MEPE: variants seen among roughly 807,000 people sequenced by gnomAD.
The protein encoded by MEPE is matrix extracellular phosphoglycoprotein.
Under a neutral mutation model 7.3 loss-of-function variants are expected in MEPE, and 7 were observed. That is an observed-to-expected ratio of 0.95 (90% CI 0.54 to 1.79). The LOEUF (loss-of-function observed/expected upper bound fraction) is 1.79. Ranked by LOEUF, MEPE falls within the 40% of genes most tolerant of loss-of-function variation. MEPE has a pLI of 0.00. For synonymous variants in MEPE, 214 were observed against 213.1 expected (o/e 1.00, Z -0.04); for missense variants, 623 against 628.2 (o/e 0.99, Z 0.09).
In MEPE at chr4:87,844,245, G is replaced by T. The variant is rs572888428; in HGVS notation, c.109-732G>T. On this transcript the variant is annotated intron_variant, in intron 3 of 3. Transcript: ENST00000361056. The stretch of plus-strand genomic sequence containing the variant: ...GTGGCATACGGTATAGTCAATCTCA[G>T]CTCTTTCTTCCTGACCACATTGTTC... 2.0e-4 allele frequency among the ~76,000 whole-genome samples: 31 copies of T among 152,212 alleles called. No homozygotes were observed. The South Asian group carries it at 5.4e-3, about 26-fold the overall frequency.
chr4:87,834,884 A>C, intron 2 of MEPE, 116 bp downstream of exon 2: 1 of 846,384 alleles, frequency 1.2e-6, no homozygotes, highest in African/African-American at 1.7e-5. Context: ...GTTATTTTAA[A>C]AAGAACCAAG....
chr4:87,830,820 T>C (rs1267784237), upstream of MEPE, among the ~76,000 whole-genome samples: 2 of 95,262 alleles, frequency 2.1e-5, no homozygotes, highest in Non-Finnish European at 4.8e-5. Context: ...AATTTAGATA[T>C]GATAAAAAAA....
rs370725784 is a variant in MEPE, at chr4:87,845,448, A to G, written c.580A>G (p.Lys194Glu). ...MNYAKAHSKD[K>E]KKPQRDSQAQ... is the part of the protein sequence containing the mutation. Reference sequence around the variant, plus strand: ...TTATGCTAAAGCACACTCGAAGGATAAAAAGAAGCCTCAAAGAGATTCCCA... The same window carrying G: ...TTATGCTAAAGCACACTCGAAGGATGAAAAGAAGCCTCAAAGAGATTCCCA... The change falls in exon 4 of 4, where the codon AAA becomes GAA. Residue 194 changes from lysine to glutamate, a missense_variant. Transcript: ENST00000361056. 15 of 1,613,876 alleles carry G rather than the reference A, an allele frequency of 9.3e-6. No homozygotes were observed. The highest frequency in any genetic ancestry group is 1.3e-5 in the Non-Finnish European group (15 of 1,179,986).
intron 3 of MEPE, among the ~76,000 whole-genome samples, chr4:87,840,429 T>C (rs1173204515): frequency 1.3e-5 from 2 of 152,212 alleles, no homozygotes; most frequent in African/African-American, 4.8e-5. Context: ...GAAGTAATAG[T>C]TTCCCTTCAG....
At chr4:87,830,108 T>A (rs941710970), upstream of MEPE, among the ~76,000 whole-genome samples, 2 of 152,138 alleles carry the variant, frequency 1.3e-5, no homozygotes, top group African/African-American at 2.4e-5. Context: ...AATCTATGCT[T>A]GAATGGTTGT....
At chr4:87,825,326 A>C (rs796679753) in intron 1 of MEPE, among the ~76,000 whole-genome samples, 3 of 152,184 alleles carry the variant, frequency 2.0e-5, no homozygotes, top group African/African-American at 7.2e-5. Flanking sequence ...TACTCCTGCT[A>C]CATAAAATGG....
chr4:87,826,474 C>T (rs1420555594), intron 1 of MEPE, among the ~76,000 whole-genome samples: 1 of 151,588 alleles, frequency 6.6e-6, no homozygotes, highest in Non-Finnish European at 1.5e-5. Context: ...CTCTTGACCT[C>T]GTGATCTGCT....
Position 87,821,472 on chromosome 4 carries a change from G to A in MEPE, c.-13+1G>A, listed in dbSNP as rs1054091266. ...ACCAGAAAGAGGAAAAGGTAGACTG[G>A]TAAGACTCAGGCTTTCAAGTTATTT... On this transcript the variant is annotated splice_donor_variant, in intron 1 of 3. Transcript: ENST00000424957. LOFTEE classifies it low-confidence loss of function (5UTR_SPLICE). 6.6e-6 allele frequency: 1 copy of A among 152,146 alleles called. No homozygotes were observed. Among genetic ancestry groups the A allele is most frequent in the Non-Finnish European group, 1.5e-5 (1 of 68,032 alleles). 9.4% of individuals were successfully genotyped at this position (152,146 alleles called of 1,614,324 possible). A position where few individuals can be genotyped will look rare whatever the true frequency, so the allele number is the denominator to read the frequency against.
chr4:87,836,876 A>G (rs549048712), intron 2 of MEPE, among the ~76,000 whole-genome samples: 239 of 152,334 alleles, frequency 1.6e-3, no homozygotes, highest in Non-Finnish European at 2.8e-3. Flanking sequence ...TGGGACTCAT[A>G]TGAGATTATA....
At chr4:87,826,159 T>TAA (rs1486901379) in intron 1 of MEPE, among the ~76,000 whole-genome samples, 6 of 152,152 alleles carry the variant, frequency 3.9e-5, no homozygotes, top group African/African-American at 1.4e-4. Flanking sequence ...CTATTGTGAA[T>TAA]AGTGCTGCAA....
intron 3 of MEPE, among the ~76,000 whole-genome samples, chr4:87,839,286 T>C (rs1375242802): frequency 2.0e-5 from 3 of 152,196 alleles, no homozygotes. Flanking sequence ...AGAGCCTGAA[T>C]GTTCATGCTG....
chr4:87,834,577 T>A (rs1722710463), intron 1 of MEPE, 126 bp from the exon 2 acceptor site: 2 of 680,074 alleles, frequency 2.9e-6, no homozygotes, highest in African/African-American at 3.6e-5. Context: ...TACACACACA[T>A]ACACAAAAGG....
At chr4:87,825,076 C>T (rs777409919) in intron 1 of MEPE, among the ~76,000 whole-genome samples, 1 of 152,092 alleles carries the variant, frequency 6.6e-6, no homozygotes, top group Non-Finnish European at 1.5e-5. Flanking sequence ...CCATCTCTGG[C>T]TCAAGCAATC....
intron 3 of MEPE, among the ~76,000 whole-genome samples, chr4:87,842,112 G>C (rs192249209): frequency 6.6e-6 from 1 of 152,124 alleles, no homozygotes; most frequent in African/African-American, 2.4e-5. Context: ...GCCCATAAAC[G>C]GCAGTGAGAC....
intron 1 of MEPE, among the ~76,000 whole-genome samples, chr4:87,827,622 C>T (rs1722502409): frequency 6.6e-6 from 1 of 152,128 alleles, no homozygotes; most frequent in South Asian, 2.1e-4. Context: ...GTTTTGCAGC[C>T]ACTTCCAGCA....
rs1397910145 is a variant in MEPE at position 87,846,713 on chromosome 4, A to T, written c.*267A>T. ...AACATTTGAGTAGGTGTCATTTAAA[A>T]ATAGTTGGTGAATGTCACAAATGCC... On this transcript the variant is annotated 3_prime_UTR_variant, in exon 4 of 4. Coordinates refer to ENST00000361056, the MANE Select transcript of MEPE (RefSeq NM_020203.6). 43 of 378,614 alleles carry T rather than the reference A, an allele frequency of 1.1e-4. No homozygotes were observed. 23.5% of individuals were successfully genotyped at this position (378,614 alleles called of 1,614,324 possible). A position where few individuals can be genotyped will look rare whatever the true frequency, so the allele number is the denominator to read the frequency against.
At chr4:87,826,154 G>A (rs2109988535) in intron 1 of MEPE, among the ~76,000 whole-genome samples, 1 of 151,306 alleles carries the variant, frequency 6.6e-6, no homozygotes, top group East Asian at 1.9e-4. Flanking sequence ...CTTTGCTATT[G>A]TGAATAGTGC....
At chr4:87,834,281 CA>C (rs1484988885) in intron 1 of MEPE, among the ~76,000 whole-genome samples, 8 of 152,194 alleles carry the variant, frequency 5.3e-5, no homozygotes, top group African/African-American at 1.9e-4. Context: ...AAGCTTTCCT[CA>C]CAGTGCAATC....
rs1414556176 is a variant in MEPE at position 87,846,045 on chromosome 4, A to C, written c.1177A>C (p.Ser393Arg). The C allele has an allele frequency of 1.2e-6, 2 of 1,613,990 alleles. No individual in the cohort carries two copies. Among genetic ancestry groups the C allele is most frequent in the African/African-American group, 2.7e-5 (2 of 74,926 alleles). Residue 393 changes from serine to arginine, a missense_variant, in exon 4 of 4, where the codon AGT (serine) becomes CGT (arginine). By Grantham distance (110) the Ser-to-Arg change is moderately radical. Coordinates refer to ENST00000361056, the MANE Select transcript of MEPE (RefSeq NM_020203.6). Reference protein sequence around the residue: ...RKEGSSDAAESTNYNEIPKNG... With the variant: ...RKEGSSDAAERTNYNEIPKNG... ...AGAAGGCAGTAGTGATGCAGCTGAA[A>C]GTACCAACTATAATGAAATTCCTAA...
Sources: gnomAD v4.1 joint callset for allele counts (sites outside exome capture counted in the v4.1 genomes callset) on GRCh38, gnomAD v4.1.1 for gene constraint, MANE v1.5 for transcripts, NCBI Gene and HGNC (gene_info 2026-07-23, HGNC 2026-07-21) for gene names.